The following MARCHF1 variants were observed in gnomAD, a reference collection of about 807,000 sequenced individuals.
The protein encoded by MARCHF1 is membrane associated ring-CH-type finger 1, also known as E3 ubiquitin-protein ligase MARCHF1.
Under a neutral mutation model 54.2 loss-of-function variants are expected in MARCHF1, and 40 were observed. That is an observed-to-expected ratio of 0.74 (90% confidence interval 0.57 to 0.96). MARCHF1 has a LOEUF of 0.96. MARCHF1 is among the 40% of genes least tolerant of loss of function. The pLI is 0.00. For missense variants in MARCHF1, 586 were observed against 656.5 expected (o/e 0.89, Z 1.17); for synonymous variants, 236 against 236.3 (o/e 1.00, Z 0.01).
intron 4 of MARCHF1, among the ~76,000 whole-genome samples, chr4:163,805,571 T>C (rs939371603): frequency 2.0e-5 from 3 of 152,174 alleles, no homozygotes; most frequent in Non-Finnish European, 4.4e-5. Flanking sequence ...AAGTGCTAAA[T>C]GTTAAATTTT....
At position 163,589,710 on chromosome 4, in the gene MARCHF1, T is replaced by C. The variant is rs568469379; in HGVS notation, c.1011-3781A>G. On this transcript the variant is annotated intron_variant, in intron 7 of 9. Coordinates refer to ENST00000514618, the MANE Select transcript of MARCHF1 (RefSeq NM_001394959.1). Reference sequence around the variant, plus strand: ...TAAATATGCCTTTCCAGCCGAATAATTGTGTAGAGAAATTGATTTCAATAA... The same window carrying C: ...TAAATATGCCTTTCCAGCCGAATAACTGTGTAGAGAAATTGATTTCAATAA... Among the ~76,000 whole-genome samples the C allele has an allele frequency of 4.1e-4, 62 of 152,216 alleles. No individual in the cohort carries two copies. In the South Asian group the frequency reaches 0.011, roughly 28 times the overall value.
At chr4:164,021,079 CTTT>C (rs58872172) in intron 2 of MARCHF1, among the ~76,000 whole-genome samples, 8 of 141,680 alleles carry the variant, frequency 5.6e-5, no homozygotes, top group African/African-American at 1.1e-4. Context: ...ATTTCTGTCC[CTTT>C]TTTTTTTTTT....
chr4:163,921,626 T>C (rs1004204224), intron 3 of MARCHF1, among the ~76,000 whole-genome samples: 4 of 151,448 alleles, frequency 2.6e-5, no homozygotes, highest in Non-Finnish European at 2.9e-5. Flanking sequence ...TATTTTTTTC[T>C]CACATTGTTA....
chr4:163,865,376 G>A (rs553085688), intron 3 of MARCHF1, among the ~76,000 whole-genome samples: 3 of 151,828 alleles, frequency 2.0e-5, no homozygotes, highest in Non-Finnish European at 4.4e-5. Flanking sequence ...GATTTATTAA[G>A]AAACTGTATT....
chr4:164,144,088 T>C (rs1259109649), intron 1 of MARCHF1, among the ~76,000 whole-genome samples: 1 of 152,054 alleles, frequency 6.6e-6, no homozygotes, highest in African/African-American at 2.4e-5. Flanking sequence ...CATTACATAA[T>C]GGTAAAGGGA....
chr4:164,190,359 ATAT>A, intron 1 of MARCHF1: 1 of 595,554 alleles, frequency 1.7e-6, no homozygotes, highest in Non-Finnish European at 3.0e-6. Flanking sequence ...TACTGCTGTA[ATAT>A]TGTAAATACT....
At chr4:164,305,040 A>G (rs1207759360) in intron 1 of MARCHF1, among the ~76,000 whole-genome samples, 3 of 152,148 alleles carry the variant, frequency 2.0e-5, no homozygotes, top group Non-Finnish European at 2.9e-5. Context: ...AAAAACCACA[A>G]ACACATTGCT....
At chr4:163,536,114 AG>A (rs1311525982) in intron 9 of MARCHF1, among the ~76,000 whole-genome samples, 1 of 152,202 alleles carries the variant, frequency 6.6e-6, no homozygotes. Flanking sequence ...TTGGAATATG[AG>A]CAAGACATCT....
intron 5 of MARCHF1, among the ~76,000 whole-genome samples, chr4:163,654,228 C>T (rs1743064656): frequency 6.6e-6 from 1 of 151,596 alleles, no homozygotes; most frequent in Admixed American, 6.6e-5. Flanking sequence ...GGTAGAAAGC[C>T]TGACTAGAGG....
intron 1 of MARCHF1, among the ~76,000 whole-genome samples, chr4:164,130,505 T>C (rs1462950285): frequency 6.6e-6 from 1 of 152,172 alleles, no homozygotes; most frequent in Non-Finnish European, 1.5e-5. Flanking sequence ...TGCAATATCA[T>C]TATGTTTTCA....
intron 8 of MARCHF1, among the ~76,000 whole-genome samples, chr4:163,551,164 T>C: frequency 6.6e-6 from 1 of 152,180 alleles, no homozygotes; most frequent in Non-Finnish European, 1.5e-5. Context: ...CTGAAAAAAA[T>C]TACATAATTC....
chr4:163,953,372 TA>T (rs938206693), intron 3 of MARCHF1, among the ~76,000 whole-genome samples: 2 of 152,126 alleles, frequency 1.3e-5, no homozygotes, highest in Non-Finnish European at 2.9e-5. Flanking sequence ...TTCTCATGTG[TA>T]AAATGGTTGT....
Position 163,583,800 on chromosome 4 carries a change from C to A in MARCHF1, c.1191+1949G>T, listed in dbSNP as rs763219633. On this transcript the variant is annotated intron_variant, in intron 8 of 9. Transcript: ENST00000514618. ...GAGTAGCTGGAACTACAGGTTTGTG[C>A]TACCATGCCAGGTTAATTTTTTTTT... The A allele has an allele frequency of 6.9e-5, 10 of 145,362 alleles. 1 individual carries two copies. Among genetic ancestry groups the A allele is most frequent in the Admixed American group, 5.6e-4 (8 of 14,328 alleles). 9.0% of individuals were successfully genotyped at this position (145,362 alleles called of 1,614,324 possible).
chr4:163,898,324 G>A (rs1000647446), intron 3 of MARCHF1, among the ~76,000 whole-genome samples: 6 of 151,910 alleles, frequency 3.9e-5, no homozygotes, highest in Admixed American at 3.9e-4. Flanking sequence ...AATCTGCAAG[G>A]AACTCAAACA....
chr4:163,589,221 A>T (rs1740506942), intron 7 of MARCHF1, among the ~76,000 whole-genome samples: 1 of 152,130 alleles, frequency 6.6e-6, no homozygotes, highest in Admixed American at 6.6e-5. Flanking sequence ...AACTGCTTTA[A>T]ACAGAGACCT....
At chr4:163,987,139 C>T (rs957937647) in intron 3 of MARCHF1, among the ~76,000 whole-genome samples, 1 of 152,204 alleles carries the variant, frequency 6.6e-6, no homozygotes. Context: ...AAACCTGTTT[C>T]ATATTCTAAT....
intron 8 of MARCHF1, among the ~76,000 whole-genome samples, chr4:163,553,897 T>C (rs1047560096): frequency 1.3e-5 from 2 of 152,198 alleles, no homozygotes; most frequent in African/African-American, 4.8e-5. Context: ...ACAAACTTAG[T>C]GACTGCAAAA....
chr4:164,273,227 AG>A (rs1163747616), intron 1 of MARCHF1, among the ~76,000 whole-genome samples: 1 of 152,074 alleles, frequency 6.6e-6, no homozygotes, highest in Non-Finnish European at 1.5e-5. Context: ...CGGAAGACAA[AG>A]GGGAAGCAAG....
At chr4:163,657,943 G>C (rs10025947) in intron 5 of MARCHF1, among the ~76,000 whole-genome samples, 112,777 of 151,902 alleles carry the variant, frequency 0.74, 42,541 homozygotes, top group African/African-American at 0.89. Flanking sequence ...ATGTAAAACC[G>C]AAAACTGTAA....
Sources: allele counts gnomAD v4.1 joint callset (sites outside exome capture counted in the v4.1 genomes callset), GRCh38; gene constraint gnomAD v4.1.1; transcripts MANE v1.5; gene names NCBI Gene and HGNC (gene_info 2026-07-23, HGNC 2026-07-21).